USP32: variants seen among roughly 807,000 people sequenced by gnomAD.
USP32 encodes the protein ubiquitin specific peptidase 32.
Under a neutral mutation model 204.8 loss-of-function variants are expected in USP32, and 59 were observed. The ratio of observed to expected loss-of-function variants is 0.29; its 90% CI spans 0.23 to 0.36. USP32 has a LOEUF of 0.36. Ranked by LOEUF, USP32 falls within the 10% of genes least tolerant of loss-of-function variation. The pLI is 1.00. For missense variants in USP32, 1,160 were observed against 1,946.4 expected (o/e 0.60, Z 7.60); for synonymous variants, 517 against 678.4 (o/e 0.76, Z 3.70).
intron 4 of USP32, among the ~76,000 whole-genome samples, chr17:60,293,263 CA>C (rs1245563870): frequency 1.3e-5 from 2 of 151,932 alleles, no homozygotes; most frequent in African/African-American, 4.8e-5. Flanking sequence ...TTTCCATCTA[CA>C]AAAATGAGAA....
chr17:60,391,814 G>A, intron 1 of USP32, 68 bp downstream of exon 1: 1 of 1,554,502 alleles, frequency 6.4e-7, no homozygotes, highest in Middle Eastern at 1.7e-4. Context: ...CTCCCTCCCG[G>A]TTACCCACCC....
In USP32 at chr17:60,223,480, C is replaced by A. The variant is rs138712503; in HGVS notation, c.1539G>T (p.Leu513Phe). 7.4e-6 allele frequency: 12 copies of A among 1,613,662 alleles called. No individual in the cohort carries two copies. The African/African-American group carries it at 1.6e-4, about 22-fold the overall frequency. The change falls in exon 14 of 34, where the codon TTG (leucine) becomes TTT (phenylalanine). Residue 513 changes from leucine to phenylalanine, a missense_variant. Leu to Phe is a conservative substitution (Grantham distance 22). Around this residue, in one of 8 missense-constraint regions of USP32, gnomAD observed 536 missense variants for 680.9 expected, o/e 0.79. Coordinates refer to ENST00000300896, the MANE Select transcript of USP32 (RefSeq NM_032582.4). Reference protein sequence around the residue: ...QCLLGANGNILLHLNPQKPGA... With the variant: ...QCLLGANGNIFLHLNPQKPGA... ...CTGGTTTCTGAGGGTTAAGGTGCAA[C>A]AAAATATTCCCATTGGCTCCCAGCA...
chr17:60,222,660 G>A, intron 14 of USP32, 111 bp from the exon 15 acceptor site: 1 of 799,540 alleles, frequency 1.3e-6, no homozygotes, highest in Non-Finnish European at 1.8e-6. Flanking sequence ...CCAGTTTCAT[G>A]TTGCTGGAAA....
intron 11 of USP32, among the ~76,000 whole-genome samples, chr17:60,238,845 G>A (rs1403766187): frequency 1.3e-5 from 2 of 151,328 alleles, no homozygotes; most frequent in African/African-American, 4.9e-5. Context: ...GGTGGTGCAC[G>A]CCTGTGGTCC....
chr17:60,303,231 C>A (rs1215004593), intron 2 of USP32, among the ~76,000 whole-genome samples: 1 of 152,088 alleles, frequency 6.6e-6, no homozygotes, highest in Non-Finnish European at 1.5e-5. Context: ...TGCCCCATCT[C>A]CCACTCCCAA....
At chr17:60,303,924 G>A (rs2087654536) in intron 2 of USP32, among the ~76,000 whole-genome samples, 1 of 152,046 alleles carries the variant, frequency 6.6e-6, no homozygotes, top group Non-Finnish European at 1.5e-5. Context: ...CAAGAGCTGT[G>A]AGATCATATC....
rs746828961 is a variant in USP32 at position 60,222,575 on chromosome 17, TG to T, written c.1609-27del. The T allele has an allele frequency of 1.8e-4, 281 of 1,604,902 alleles. 1 individual carries two copies. In the Admixed American group the frequency reaches 4.7e-3, roughly 27 times the overall value. On this transcript the variant is annotated intron_variant, in intron 14 of 33. Coordinates refer to ENST00000300896, the MANE Select transcript of USP32 (RefSeq NM_032582.4). ...CTGAGAAAGAATAGAATGACAATGT[TG>T]ACTTTCAATATTACAAAAGTTTTTG... is the stretch of plus-strand genomic sequence containing the variant.
intron 11 of USP32, among the ~76,000 whole-genome samples, chr17:60,248,205 C>T (rs997143080): frequency 6.6e-6 from 1 of 152,196 alleles, no homozygotes; most frequent in Non-Finnish European, 1.5e-5. Flanking sequence ...TATCACTGCA[C>T]ACTGAGCTCT....
At chr17:60,296,065 C>G (rs2087420980) in intron 3 of USP32, among the ~76,000 whole-genome samples, 1 of 152,104 alleles carries the variant, frequency 6.6e-6, no homozygotes, top group Non-Finnish European at 1.5e-5. Context: ...GAGGGAAGAA[C>G]AGAATGGGAT....
intron 16 of USP32, among the ~76,000 whole-genome samples, chr17:60,219,188 C>A (rs1218259189): frequency 6.9e-6 from 1 of 145,382 alleles, no homozygotes; most frequent in African/African-American, 2.8e-5. Context: ...TGCCAAAAAA[C>A]CAAACAACAA....
intron 1 of USP32, among the ~76,000 whole-genome samples, chr17:60,349,668 T>C (rs1180361924): frequency 3.2e-5 from 4 of 125,442 alleles, no homozygotes; most frequent in Non-Finnish European, 6.4e-5. Flanking sequence ...TATATACACA[T>C]ATATATATAC....
intron 1 of USP32, among the ~76,000 whole-genome samples, chr17:60,373,696 C>T (rs2089486907): frequency 6.6e-6 from 1 of 152,022 alleles, no homozygotes; most frequent in South Asian, 2.1e-4. Flanking sequence ...AATGATCCAC[C>T]CGCCTCGTCC....
At chr17:60,217,830 T>C (rs551674846) in intron 16 of USP32, among the ~76,000 whole-genome samples, 158 of 152,232 alleles carry the variant, frequency 1.0e-3, no homozygotes, top group Non-Finnish European at 2.0e-3. Context: ...CTTGAACTCC[T>C]GGGCTTAAGA....
intron 2 of USP32, among the ~76,000 whole-genome samples, chr17:60,317,001 T>A (rs1395335959): frequency 6.6e-6 from 1 of 152,040 alleles, no homozygotes; most frequent in Non-Finnish European, 1.5e-5. Context: ...TTCATAGAAG[T>A]AGAAAGTAGA....
At chr17:60,269,239 A>C (rs1219952518) in intron 7 of USP32, among the ~76,000 whole-genome samples, 1 of 152,216 alleles carries the variant, frequency 6.6e-6, no homozygotes, top group Non-Finnish European at 1.5e-5. Context: ...CATTGTTAAT[A>C]GCAAATATCC....
At chr17:60,192,188 G>A (rs944009389) in intron 28 of USP32, among the ~76,000 whole-genome samples, 2 of 152,132 alleles carry the variant, frequency 1.3e-5, no homozygotes, top group African/African-American at 4.8e-5. Flanking sequence ...CTACTCGGGA[G>A]GCTGAGGCAG....
In USP32 at chr17:60,178,404, G is replaced by A. The variant is rs1351711190; in HGVS notation, c.*851C>T. ...GCATGTGAAGATGGTGCAAATATTGGCAACTGCTCCCCTTCCCTCAGCATG... is the reference window on the plus strand; with the variant it reads ...GCATGTGAAGATGGTGCAAATATTGACAACTGCTCCCCTTCCCTCAGCATG... On this transcript the variant is annotated 3_prime_UTR_variant, in exon 34 of 34. Coordinates refer to ENST00000300896, the MANE Select transcript of USP32 (RefSeq NM_032582.4). Among the ~76,000 whole-genome samples, 3 of 152,168 alleles carry A rather than the reference G, an allele frequency of 2.0e-5. No individual in the cohort carries two copies. The highest frequency in any genetic ancestry group is 7.2e-5 in the African/African-American group (3 of 41,426).
rs1286158114 is a variant in USP32 at position 60,205,574 on chromosome 17, C to T, written c.3122G>A (p.Gly1041Glu). The T allele has an allele frequency of 6.2e-7, 1 of 1,613,864 alleles. No individual in the cohort carries two copies. Among genetic ancestry groups the T allele is most frequent in the Admixed American group, 1.7e-5 (1 of 60,000 alleles). The change falls in exon 26 of 34, where the codon GGA becomes GAA. Residue 1041 changes from glycine (G) to glutamate (E), a missense_variant. Gly to Glu is a moderately conservative substitution (Grantham distance 98). Transcript: ENST00000300896. Reference protein sequence around the residue: ...DLPRPIFIPNGMPNTVVPCGT... With the variant: ...DLPRPIFIPNEMPNTVVPCGT... ...ACATGGCACAACAGTGTTTGGCATT[C>T]CATTGGGGATGAATATTGGTCGGGG...
intron 11 of USP32, among the ~76,000 whole-genome samples, chr17:60,240,806 T>G (rs2085857872): frequency 6.6e-6 from 1 of 152,174 alleles, no homozygotes; most frequent in Non-Finnish European, 1.5e-5. Context: ...CTTTCAGCAT[T>G]CTATTATATG....
Sources: gnomAD v4.1 joint callset for allele counts (sites outside exome capture counted in the v4.1 genomes callset) on GRCh38, gnomAD v4.1.1 for gene constraint, gnomAD v4.1.1 regional missense constraint, MANE v1.5 for transcripts, NCBI Gene and HGNC (gene_info 2026-07-23, HGNC 2026-07-21) for gene names.